DTL: variants seen among roughly 807,000 people sequenced by gnomAD.
The protein encoded by DTL is denticleless E3 ubiquitin protein ligase adapter.
In DTL, 46 loss-of-function variants were observed where a neutral mutation model predicts 87.0. The ratio of observed to expected loss-of-function variants is 0.53; its 90% CI spans 0.42 to 0.68. DTL has a LOEUF of 0.68. DTL is among the 30% of genes least tolerant of loss of function. The probability of loss-of-function intolerance (pLI) is 0.00; values close to 1 mark genes in which losing one functional copy is unlikely to be tolerated. For synonymous variants in DTL, 308 were observed against 311.2 expected (o/e 0.99, Z 0.11); for missense variants, 737 against 869.4 (o/e 0.85, Z 1.91).
chr1:212,056,205 T>A (rs890557093), intron 5 of DTL, among the ~76,000 whole-genome samples: 2 of 152,212 alleles, frequency 1.3e-5, no homozygotes, highest in Non-Finnish European at 2.9e-5. Flanking sequence ...TCTACCTGCC[T>A]GGATCCATTA....
intron 7 of DTL, 47 bp from the exon 8 acceptor site, chr1:212,066,765 G>A (rs1423793311): frequency 6.3e-7 from 1 of 1,581,992 alleles, no homozygotes; most frequent in African/African-American, 1.3e-5. Flanking sequence ...TGATGGTAAA[G>A]ATTATGATGC....
Position 212,102,965 on chromosome 1 carries a change from G to A in DTL, c.*25G>A, listed in dbSNP as rs766410924. The A allele has an allele frequency of 3.6e-6, 5 of 1,402,548 alleles. No homozygotes were observed. Among genetic ancestry groups the A allele is most frequent in the Non-Finnish European group, 5.0e-6 (5 of 1,003,184 alleles). The allele number at this position is 1,402,548 out of a possible 1,614,324, so 86.9% of individuals were successfully genotyped here. ...GATTCTAATCTGAGTGAGTTACTGA[G>A]CTTTGGTCCACTAAAACAAGCTGAG... On this transcript the variant is annotated 3_prime_UTR_variant, in exon 15 of 15. Transcript: ENST00000366991.
intron 2 of DTL, among the ~76,000 whole-genome samples, chr1:212,043,935 AAAAATT>A (rs1447327451): frequency 1.2e-3 from 182 of 152,302 alleles, no homozygotes; most frequent in African/African-American, 4.2e-3. Context: ...GACTCCTTAT[AAAAATT>A]AGCCGGGCAT....
chr1:212,068,523 A>G (rs2102554156), intron 9 of DTL, 76 bp from the exon 10 acceptor site: 2 of 1,000,900 alleles, frequency 2.0e-6, no homozygotes, highest in Non-Finnish European at 3.1e-6. Flanking sequence ...GAAATGATCT[A>G]TTTTTGTCTC....
At chr1:212,065,791 C>T (rs552001391) in intron 7 of DTL, among the ~76,000 whole-genome samples, 4 of 152,228 alleles carry the variant, frequency 2.6e-5, no homozygotes, top group East Asian at 3.9e-4. Flanking sequence ...CTGCAAGCAC[C>T]GCCTCCCAGG....
intron 2 of DTL, among the ~76,000 whole-genome samples, chr1:212,043,524 C>T: frequency 6.6e-6 from 1 of 152,068 alleles, no homozygotes; most frequent in Non-Finnish European, 1.5e-5. Flanking sequence ...CCTAAAATCC[C>T]AGCACTTTAG....
At chr1:212,054,169 A>G (rs183967884) in intron 5 of DTL, among the ~76,000 whole-genome samples, 11 of 152,206 alleles carry the variant, frequency 7.2e-5, no homozygotes, top group African/African-American at 2.6e-4. Flanking sequence ...TCTCTTGCCC[A>G]TATGGTACAG....
intron 7 of DTL, among the ~76,000 whole-genome samples, chr1:212,065,863 G>A (rs984250497): frequency 1.3e-5 from 2 of 151,950 alleles, no homozygotes; most frequent in East Asian, 1.9e-4. Context: ...CCACCACCAC[G>A]CCCAGCTAAT....
chr1:212,041,569 G>C (rs1667644414), intron 1 of DTL, among the ~76,000 whole-genome samples: 4 of 151,918 alleles, frequency 2.6e-5, no homozygotes, highest in Admixed American at 2.0e-4. Flanking sequence ...GCAGTGGCGA[G>C]GTCTCAGCTC....
rs1426025915 is a variant in DTL at position 212,042,032 on chromosome 1, G to A, written c.53-961G>A. 3.3e-5 allele frequency among the ~76,000 whole-genome samples: 5 copies of A among 152,146 alleles called. No homozygotes were observed. The East Asian group carries it at 7.7e-4, about 23-fold the overall frequency. ...ACATAGTACTTTTGATGAAAAGTGA[G>A]GATTCAGAGTACCCTAAAATGTGAG... On this transcript the variant is annotated intron_variant, in intron 1 of 14. Transcript: ENST00000366991.
chr1:212,074,322 C>G (rs577326592), intron 11 of DTL, among the ~76,000 whole-genome samples: 5 of 152,036 alleles, frequency 3.3e-5, no homozygotes, highest in African/African-American at 1.2e-4. Flanking sequence ...TTCCTCTTCT[C>G]TAGTGCAAAG....
At chr1:212,065,304 G>T (rs555705046) in intron 7 of DTL, among the ~76,000 whole-genome samples, 101 of 151,658 alleles carry the variant, frequency 6.7e-4, no homozygotes, top group Non-Finnish European at 1.1e-3. Flanking sequence ...GAATTAGATT[G>T]AATTAAACAT....
In DTL at chr1:212,059,528, A is replaced by G. The variant is rs188650454; in HGVS notation, c.461-3356A>G. Among the ~76,000 whole-genome samples the G allele has an allele frequency of 4.6e-5, 7 of 152,284 alleles. No homozygotes were observed. In the East Asian group the frequency reaches 1.3e-3, roughly 29 times the overall value. On this transcript the variant is annotated intron_variant, in intron 5 of 14. Coordinates refer to ENST00000366991, the MANE Select transcript of DTL (RefSeq NM_016448.4). ...GCATGGAAGGAACATATCTCAACATAAAAAGGCTGTATATGACAGACTCAC... is the reference window on the plus strand; with the variant it reads ...GCATGGAAGGAACATATCTCAACATGAAAAGGCTGTATATGACAGACTCAC...
At chr1:212,075,471 C>A (rs182771275) in intron 11 of DTL, among the ~76,000 whole-genome samples, 1 of 151,868 alleles carries the variant, frequency 6.6e-6, no homozygotes, top group Non-Finnish European at 1.5e-5. Flanking sequence ...AATGAAGTTA[C>A]GTAATTATGA....
In DTL at chr1:212,100,270, A is replaced by G; in HGVS notation, c.1280A>G (p.Gln427Arg). The G allele has an allele frequency of 1.3e-6, 2 of 1,568,958 alleles. No individual in the cohort carries two copies. Among genetic ancestry groups the G allele is most frequent in the Admixed American group, 1.9e-5 (1 of 52,004 alleles). ...TTTTCAGTAACAGTAACGAGTAGCC[A>G]GAGTACTCCTGCCAAAGCCCCCAGG... ...RPGLVTVTSS[Q>R]STPAKAPRAK... Residue 427 changes from glutamine (Q) to arginine (R), a missense_variant, in exon 14 of 15, where the codon CAG (glutamine) becomes CGG (arginine). Gln to Arg is a conservative substitution (Grantham distance 43). Transcript: ENST00000366991.
chr1:212,053,059 A>G (rs1011090810), intron 5 of DTL, among the ~76,000 whole-genome samples: 30 of 152,186 alleles, frequency 2.0e-4, no homozygotes, highest in African/African-American at 7.0e-4. Flanking sequence ...ACACATGCAT[A>G]CAAATGGAAT....
At chr1:212,069,907 T>C (rs1654621209) in intron 10 of DTL, among the ~76,000 whole-genome samples, 1 of 152,120 alleles carries the variant, frequency 6.6e-6, no homozygotes, top group Non-Finnish European at 1.5e-5. Flanking sequence ...AGCAATCTTA[T>C]TAGGACTTTA....
chr1:212,100,286 A>G lies in DTL; in HGVS notation c.1296A>G (p.Lys432=). 1 of 1,587,678 alleles carries G rather than the reference A, an allele frequency of 6.3e-7. No individual in the cohort carries two copies. Among genetic ancestry groups the G allele is most frequent in the East Asian group, 2.2e-5 (1 of 44,684 alleles). The change falls in exon 14 of 15, where the codon AAA becomes AAG. Residue 432 remains lysine, a synonymous_variant. Coordinates refer to ENST00000366991, the MANE Select transcript of DTL (RefSeq NM_016448.4). ...CGAGTAGCCAGAGTACTCCTGCCAAAGCCCCCAGGGCAAAGTGCAATCCAT... is the reference window on the plus strand; with the variant it reads ...CGAGTAGCCAGAGTACTCCTGCCAAGGCCCCCAGGGCAAAGTGCAATCCAT... ...TVTSSQSTPA[K]APRAKCNPSN...
At chr1:212,101,641 C>T (rs1381193108) in intron 14 of DTL, among the ~76,000 whole-genome samples, 1 of 152,158 alleles carries the variant, frequency 6.6e-6, no homozygotes, top group Non-Finnish European at 1.5e-5. Context: ...ATGACTTCTC[C>T]ACAATCTTTT....
Sources: allele counts gnomAD v4.1 joint callset (sites outside exome capture counted in the v4.1 genomes callset), GRCh38; gene constraint gnomAD v4.1.1; transcripts MANE v1.5; gene names NCBI Gene and HGNC (gene_info 2026-07-23, HGNC 2026-07-21).